Variants in FMN2 observed in about 807,000 individuals in gnomAD.
FMN2 encodes the protein formin 2, also known as formin-2.
A neutral mutation model predicts 142.3 loss-of-function variants in FMN2; 51 were observed. The ratio of observed to expected loss-of-function variants is 0.36; its 90% CI spans 0.29 to 0.45. The LOEUF is 0.45. Among genes scored for constraint, FMN2 ranks in the 20% least tolerant of loss-of-function variants. The pLI, the probability that FMN2 is intolerant of heterozygous loss-of-function variation, is 1.00. For synonymous variants in FMN2, 882 were observed against 869.8 expected, an observed-to-expected ratio of 1.01 and a Z score of -0.25; for missense variants, 1,936 against 2,122.8, an observed-to-expected ratio of 0.91 and a Z score of 1.73.
chr1:240,218,562 T>TAA (rs34031862), intron 6 of FMN2, among the ~76,000 whole-genome samples: 296 of 147,802 alleles, frequency 2.0e-3, no homozygotes, highest in Admixed American at 5.5e-3. Context: ...ATCTCATCTC[T>TAA]AAAAAAAAAA....
chr1:240,440,937 C>T (rs144524596), intron 16 of FMN2, among the ~76,000 whole-genome samples: 7 of 151,652 alleles, frequency 4.6e-5, no homozygotes, highest in African/African-American at 7.3e-5. Flanking sequence ...CTAAGGGTGG[C>T]GCCCCATCTG....
At chr1:240,424,942 C>G (rs1372130976) in intron 15 of FMN2, among the ~76,000 whole-genome samples, 5 of 152,160 alleles carry the variant, frequency 3.3e-5, no homozygotes, top group South Asian at 4.1e-4. Flanking sequence ...TCAAACAACT[C>G]CTGTGTGCCA....
At chr1:240,319,561 TC>T (rs1215669996) in intron 8 of FMN2, among the ~76,000 whole-genome samples, 2 of 152,220 alleles carry the variant, frequency 1.3e-5, no homozygotes, top group African/African-American at 4.8e-5. Flanking sequence ...ATACAACAAT[TC>T]CTAAGACATC....
Position 240,135,804 on chromosome 1 carries a change from C to T in FMN2, c.1782+12459C>T, listed in dbSNP as rs140546859. ...AAGCGATTCTCGTGTCTCAGCCTTC[C>T]GAGTAGCTGGGACTACAGGTACATG... is the stretch of plus-strand genomic sequence containing the variant. On this transcript the variant is annotated intron_variant, in intron 2 of 17. Coordinates refer to ENST00000319653, the MANE Select transcript of FMN2 (RefSeq NM_020066.5). 2.1e-3 allele frequency among the ~76,000 whole-genome samples: 315 copies of T among 151,676 alleles called. 1 individual carries two copies. The highest frequency in any genetic ancestry group is 3.2e-3 in the Admixed American group (48 of 15,210).
At chr1:240,396,303 C>CTTGTGTGTGTGTGTGT (rs71170739) in intron 15 of FMN2, among the ~76,000 whole-genome samples, 2 of 142,742 alleles carry the variant, frequency 1.4e-5, no homozygotes, top group East Asian at 2.1e-4. Flanking sequence ...CCGAGGTTTT[C>CTTGTGTGTGTGTGTGT]GTGTGTGTGT....
intron 15 of FMN2, among the ~76,000 whole-genome samples, chr1:240,432,247 G>A (rs1675203566): frequency 6.6e-6 from 1 of 151,854 alleles, no homozygotes; most frequent in Non-Finnish European, 1.5e-5. Flanking sequence ...TGTTGTTTAA[G>A]TAATTTGCTT....
intron 2 of FMN2, among the ~76,000 whole-genome samples, chr1:240,138,327 C>G (rs1422660096): frequency 6.6e-6 from 1 of 151,844 alleles, no homozygotes; most frequent in Non-Finnish European, 1.5e-5. Context: ...CTGAGGAAAC[C>G]GTTGCAGCAA....
chr1:240,135,348 C>T (rs1305349761), intron 2 of FMN2, among the ~76,000 whole-genome samples: 1 of 152,128 alleles, frequency 6.6e-6, no homozygotes, highest in Non-Finnish European at 1.5e-5. Context: ...AATCTGCTTA[C>T]TGAGTTTTCT....
intron 6 of FMN2, among the ~76,000 whole-genome samples, chr1:240,228,560 C>G (rs148387944): frequency 6.6e-6 from 1 of 152,018 alleles, no homozygotes; most frequent in Non-Finnish European, 1.5e-5. Flanking sequence ...TGCGGAGAAA[C>G]TGGAACCCTC....
chr1:240,163,873 A>T (rs1169621558), intron 2 of FMN2, among the ~76,000 whole-genome samples: 1 of 151,318 alleles, frequency 6.6e-6, no homozygotes, highest in Admixed American at 6.6e-5. Flanking sequence ...TATTATTATT[A>T]TTTTTATTTT....
At position 240,259,733 on chromosome 1, in the gene FMN2, C is replaced by A. The variant is rs574692538; in HGVS notation, c.4153+1701C>A. On this transcript the variant is annotated intron_variant, in intron 7 of 17. Coordinates refer to ENST00000319653, the MANE Select transcript of FMN2 (RefSeq NM_020066.5). ...GAAGTGGCCACAGAATTTATCTAGA[C>A]CTCCAGCGTCATTTTTAAAAAATAC... Among the ~76,000 whole-genome samples the A allele has an allele frequency of 1.5e-3, 224 of 152,068 alleles. 1 individual carries two copies. The highest frequency in any genetic ancestry group is 5.3e-3 in the African/African-American group (221 of 41,500).
chr1:240,455,178 A>AAGCTGGTGCGTAAT (rs60026777), intron 16 of FMN2, among the ~76,000 whole-genome samples: 1 of 151,772 alleles, frequency 6.6e-6, no homozygotes, highest in African/African-American at 2.4e-5. Flanking sequence ...GACCATCGGA[A>AAGCTGGTGCGTAAT]AGTAAAGAGG....
At chr1:240,265,534 T>C (rs376253390) in intron 7 of FMN2, among the ~76,000 whole-genome samples, 10 of 152,280 alleles carry the variant, frequency 6.6e-5, no homozygotes, top group African/African-American at 2.4e-4. Flanking sequence ...AAGAGAGTTC[T>C]CACCAGTGAC....
intron 5 of FMN2, 126 bp from the exon 6 acceptor site, chr1:240,210,965 C>A: frequency 1.3e-6 from 1 of 770,604 alleles, no homozygotes; most frequent in Non-Finnish European, 2.0e-6. Context: ...TCCTTCTTAT[C>A]TCTCTTCTTT....
chr1:240,265,934 C>CT (rs1259665216), intron 7 of FMN2, among the ~76,000 whole-genome samples: 1 of 128,562 alleles, frequency 7.8e-6, no homozygotes, highest in Non-Finnish European at 1.7e-5. Context: ...TTTTTTTTTC[C>CT]TTTTTTCATT....
chr1:240,295,189 T>TACACACACAC (rs67137806), intron 8 of FMN2, among the ~76,000 whole-genome samples: 13 of 144,188 alleles, frequency 9.0e-5, no homozygotes, highest in African/African-American at 2.8e-4. Context: ...GTGCACTTCA[T>TACACACACAC]ACACACACAC....
chr1:240,346,292 A>G (rs866246372), intron 13 of FMN2, among the ~76,000 whole-genome samples: 41 of 152,180 alleles, frequency 2.7e-4, no homozygotes, highest in African/African-American at 9.1e-4. Flanking sequence ...AATAAAAATA[A>G]TTATAACAAT....
Position 240,329,299 on chromosome 1 carries a change from G to T in FMN2, c.4308-40G>T, listed in dbSNP as rs747758983. 6 of 1,605,550 alleles carry T rather than the reference G, an allele frequency of 3.7e-6. No homozygotes were observed. In the South Asian group the frequency reaches 6.7e-5, roughly 18 times the overall value. ...GATGAGGATAAACATCTGTTTATGTGAATTATATTTTTCTTCTTAACTTGG... is the reference window on the plus strand; with the variant it reads ...GATGAGGATAAACATCTGTTTATGTTAATTATATTTTTCTTCTTAACTTGG... On this transcript the variant is annotated intron_variant, in intron 9 of 17. Coordinates refer to ENST00000319653, the MANE Select transcript of FMN2 (RefSeq NM_020066.5).
intron 1 of FMN2, among the ~76,000 whole-genome samples, chr1:240,106,811 G>C (rs949415106): frequency 2.0e-5 from 3 of 151,572 alleles, no homozygotes; most frequent in Non-Finnish European, 2.9e-5. Flanking sequence ...AGCCTTCCAA[G>C]TAGCTAGGAT....
Sources: gnomAD v4.1 joint callset for allele counts (sites outside exome capture counted in the v4.1 genomes callset) on GRCh38, gnomAD v4.1.1 for gene constraint, MANE v1.5 for transcripts, NCBI Gene and HGNC (gene_info 2026-07-23, HGNC 2026-07-21) for gene names.